CNTNAP2: variants seen among roughly 807,000 people sequenced by gnomAD.
The protein encoded by CNTNAP2 is contactin-associated protein-like 2.
A neutral mutation model predicts 155.2 loss-of-function variants in CNTNAP2; 98 were observed. The observed-to-expected ratio is 0.63, with a 90% CI of 0.54 to 0.75. The LOEUF (loss-of-function observed/expected upper bound fraction) is 0.75. CNTNAP2 is among the 30% of genes least tolerant of loss of function. The pLI, the probability that CNTNAP2 is intolerant of heterozygous loss-of-function variation, is 0.00. For synonymous variants in CNTNAP2, 651 were observed against 631.2 expected, an observed-to-expected ratio of 1.03 and a Z score of -0.47; for missense variants, 1,727 against 1,688.1, an observed-to-expected ratio of 1.02 and a Z score of -0.40.
intron 12 of CNTNAP2, among the ~76,000 whole-genome samples, chr7:147,627,403 G>T (rs1044727921): frequency 6.6e-6 from 1 of 152,066 alleles, no homozygotes; most frequent in Non-Finnish European, 1.5e-5. Flanking sequence ...CAAACTTAAA[G>T]ATATTAAAAC....
chr7:146,681,943 G>A (rs1345920844), intron 1 of CNTNAP2, among the ~76,000 whole-genome samples: 1 of 152,042 alleles, frequency 6.6e-6, no homozygotes, highest in Non-Finnish European at 1.5e-5. Context: ...TCAGGTTAAT[G>A]AATATTTTTA....
intron 12 of CNTNAP2, among the ~76,000 whole-genome samples, chr7:147,603,235 A>G (rs1800990478): frequency 6.6e-6 from 1 of 152,022 alleles, no homozygotes; most frequent in Non-Finnish European, 1.5e-5. Context: ...TCTGATGGCC[A>G]GTGATGATGA....
intron 21 of CNTNAP2, among the ~76,000 whole-genome samples, chr7:148,376,687 A>G (rs1798980881): frequency 1.5e-5 from 1 of 68,656 alleles, no homozygotes; most frequent in Non-Finnish European, 4.1e-5. Flanking sequence ...ATAAGAGAGA[A>G]AAGCATCTAA....
rs1381975486 is a variant in CNTNAP2 at position 147,017,262 on chromosome 7, TAC to T, written c.403-26638_403-26637del. On this transcript the variant is annotated intron_variant, in intron 3 of 23. Transcript: ENST00000361727. ...TATTTCATATTATATTCTTCAGCAT[TAC>T]ACACACGTTATTTAACTGGAAAGTA... 2.0e-5 allele frequency among the ~76,000 whole-genome samples: 3 copies of T among 151,744 alleles called. No homozygotes were observed. In the Admixed American group the frequency reaches 2.0e-4, roughly 10 times the overall value.
At chr7:148,203,659 C>T (rs1404620406) in intron 18 of CNTNAP2, among the ~76,000 whole-genome samples, 6 of 152,186 alleles carry the variant, frequency 3.9e-5, no homozygotes, top group Admixed American at 1.3e-4. Context: ...GCACAAGAAT[C>T]GCTTGAACCC....
chr7:148,263,785 A>T (rs1796618926), intron 20 of CNTNAP2, among the ~76,000 whole-genome samples: 1 of 152,104 alleles, frequency 6.6e-6, no homozygotes, highest in Non-Finnish European at 1.5e-5. Flanking sequence ...TAAATGTAAA[A>T]TTTAGCATTT....
chr7:148,174,753 T>C lies in CNTNAP2; in HGVS notation c.3010+2275T>C, dbSNP rs1299931505. Among the ~76,000 whole-genome samples, 4 of 152,214 alleles carry C rather than the reference T, an allele frequency of 2.6e-5. No individual in the cohort carries two copies. In the East Asian group the frequency reaches 7.7e-4, roughly 29 times the overall value. On this transcript the variant is annotated intron_variant, in intron 18 of 23. Transcript: ENST00000361727. ...AAAATACTAGTATTTTTTCTTATTT[T>C]ATTTTGCTTTAAGTTCTGCGATACA... is the stretch of plus-strand genomic sequence containing the variant.
chr7:147,314,837 A>G (rs1021442903), intron 9 of CNTNAP2, among the ~76,000 whole-genome samples: 1 of 151,180 alleles, frequency 6.6e-6, no homozygotes, highest in African/African-American at 2.4e-5. Context: ...TCAATGTTAT[A>G]TGTAGAAAAA....
chr7:147,317,791 T>G (rs1795258536), intron 9 of CNTNAP2, among the ~76,000 whole-genome samples: 1 of 93,722 alleles, frequency 1.1e-5, no homozygotes, highest in South Asian at 3.8e-4. Context: ...TGTGTGTGTG[T>G]GTGTGTGTAT....
chr7:147,086,429 T>A (rs1211806880), intron 4 of CNTNAP2, among the ~76,000 whole-genome samples: 5 of 152,110 alleles, frequency 3.3e-5, no homozygotes. Context: ...TTTATTTTTA[T>A]TTTTAATTTT....
intron 3 of CNTNAP2, among the ~76,000 whole-genome samples, chr7:146,842,993 A>AATTTTTTTTTT (rs1257696854): frequency 4.1e-5 from 1 of 24,210 alleles, no homozygotes; most frequent in African/African-American, 1.5e-4. Context: ...CCTGTCCCAC[A>AATTTTTTTTTT]CTTTTTTTTT....
intron 1 of CNTNAP2, among the ~76,000 whole-genome samples, chr7:146,755,512 A>T (rs746319651): frequency 6.6e-6 from 1 of 152,014 alleles, no homozygotes; most frequent in South Asian, 2.1e-4. Context: ...GCAAACTGCT[A>T]TGTCACCTCC....
At chr7:147,687,828 G>A (rs1796035616) in intron 13 of CNTNAP2, among the ~76,000 whole-genome samples, 2 of 152,086 alleles carry the variant, frequency 1.3e-5, no homozygotes, top group Non-Finnish European at 1.5e-5. Context: ...GGTACTAAGA[G>A]TGAACTCTCA....
intron 10 of CNTNAP2, among the ~76,000 whole-genome samples, chr7:147,469,557 C>A (rs1294949609): frequency 9.0e-6 from 1 of 110,700 alleles, no homozygotes; most frequent in Non-Finnish European, 1.9e-5. Flanking sequence ...CTCGCTCTGC[C>A]GCCCAGGCTG....
intron 12 of CNTNAP2, among the ~76,000 whole-genome samples, chr7:147,589,398 T>C (rs1235719971): frequency 1.3e-5 from 2 of 152,172 alleles, no homozygotes; most frequent in Admixed American, 1.3e-4. Context: ...TAAAGGCTTA[T>C]GGACCCAGCA....
At chr7:146,614,910 ATATC>A (rs765708843) in intron 1 of CNTNAP2, among the ~76,000 whole-genome samples, 48 of 152,332 alleles carry the variant, frequency 3.2e-4, no homozygotes, top group Admixed American at 7.2e-4. Context: ...TTATCTGCGT[ATATC>A]TATCCTGCAT....
At chr7:146,817,966 AAAGT>A (rs1803206020) in intron 2 of CNTNAP2, among the ~76,000 whole-genome samples, 1 of 152,220 alleles carries the variant, frequency 6.6e-6, no homozygotes, top group Non-Finnish European at 1.5e-5. Context: ...TATTGATTGA[AAAGT>A]AAGTTATTAT....
intron 1 of CNTNAP2, among the ~76,000 whole-genome samples, chr7:146,234,785 T>C (rs1799444230): frequency 6.6e-6 from 1 of 152,214 alleles, no homozygotes; most frequent in African/African-American, 2.4e-5. Flanking sequence ...TTCTGAAATA[T>C]CAAATGTATA....
intron 1 of CNTNAP2, among the ~76,000 whole-genome samples, chr7:146,425,003 T>G (rs1796068021): frequency 6.6e-6 from 1 of 152,156 alleles, no homozygotes. Flanking sequence ...TTACTTACAT[T>G]TTATTATTAA....
Sources: gnomAD v4.1 joint callset for allele counts (sites outside exome capture counted in the v4.1 genomes callset) on GRCh38, gnomAD v4.1.1 for gene constraint, MANE v1.5 for transcripts, NCBI Gene and HGNC (gene_info 2026-07-23, HGNC 2026-07-21) for gene names.